The following FGF14 variants were observed in gnomAD, a reference collection of about 807,000 sequenced individuals.
FGF14 encodes fibroblast growth factor homologous factor 4.
In FGF14, 5 loss-of-function variants were observed where a neutral mutation model predicts 25.5. That is an observed-to-expected ratio of 0.20 (90% CI 0.10 to 0.41). The LOEUF (loss-of-function observed/expected upper bound fraction) is 0.41, where lower values mean the gene tolerates loss of function less well. Among genes scored for constraint, FGF14 ranks in the 10% least tolerant of loss-of-function variants. FGF14 has a pLI of 1.00. For synonymous variants in FGF14, 138 were observed against 118.3 expected (o/e 1.17, Z -1.08); for missense variants, 222 against 320.1 (o/e 0.69, Z 2.34).
chr13:101,822,154 T>A (rs987000639), intron 3 of FGF14, among the ~76,000 whole-genome samples: 1 of 152,188 alleles, frequency 6.6e-6, no homozygotes, highest in Admixed American at 6.5e-5. Flanking sequence ...GCATTTAAGT[T>A]CCTACTTCAA....
chr13:102,299,244 A>C (rs2054896426), intron 1 of FGF14, among the ~76,000 whole-genome samples: 1 of 152,124 alleles, frequency 6.6e-6, no homozygotes. Flanking sequence ...TTCTTAAAAA[A>C]TTAGGGTGGT....
In FGF14 at chr13:102,116,878, C is replaced by T. The variant is rs2045496539; in HGVS notation, c.209-241582G>A. ...GGAAAAGAAAAGCCCAGTTAAGCTC[C>T]TCTTAGGTCCACACGGCCCTACCTT... On this transcript the variant is annotated intron_variant, in intron 1 of 4. Coordinates refer to the FGF14 transcript ENST00000376131. Among the ~76,000 whole-genome samples the T allele has an allele frequency of 2.0e-5, 3 of 152,168 alleles. No homozygotes were observed. In the South Asian group the frequency reaches 6.2e-4, roughly 32 times the overall value.
At chr13:102,242,605 T>A (rs1040343590) in intron 1 of FGF14, among the ~76,000 whole-genome samples, 31 of 152,094 alleles carry the variant, frequency 2.0e-4, no homozygotes, top group African/African-American at 7.2e-4. Flanking sequence ...ATTGATCCAT[T>A]CCTGAGGCAT....
chr13:102,315,793 A>G (rs2055992105), intron 1 of FGF14, among the ~76,000 whole-genome samples: 1 of 152,192 alleles, frequency 6.6e-6, no homozygotes, highest in African/African-American at 2.4e-5. Flanking sequence ...CAAATACAGC[A>G]AGGCAGTGAG....
intron 1 of FGF14, among the ~76,000 whole-genome samples, chr13:101,923,350 A>T (rs930130418): frequency 1.3e-5 from 2 of 152,120 alleles, no homozygotes; most frequent in Non-Finnish European, 2.9e-5. Flanking sequence ...GTGGAATTAA[A>T]GATGATATAT....
intron 1 of FGF14, among the ~76,000 whole-genome samples, chr13:102,015,200 G>T (rs976606730): frequency 2.0e-5 from 3 of 152,160 alleles, no homozygotes; most frequent in Non-Finnish European, 2.9e-5. Flanking sequence ...GAGCCACCGT[G>T]CTCAGCCTGC....
chr13:102,329,799 C>A (rs774256880), intron 1 of FGF14, among the ~76,000 whole-genome samples: 5 of 152,100 alleles, frequency 3.3e-5, no homozygotes, highest in Admixed American at 6.6e-5. Context: ...CCATGTTGTA[C>A]AATCCATTCA....
intron 1 of FGF14, among the ~76,000 whole-genome samples, chr13:102,046,308 A>C (rs2041980457): frequency 6.6e-6 from 1 of 152,198 alleles, no homozygotes; most frequent in African/African-American, 2.4e-5. Flanking sequence ...CCTACAAATA[A>C]ACATTATTAA....
chr13:101,825,281 C>T (rs1454247374), intron 3 of FGF14, among the ~76,000 whole-genome samples: 3 of 152,058 alleles, frequency 2.0e-5, no homozygotes, highest in African/African-American at 7.2e-5. Flanking sequence ...ATAGGACTCC[C>T]GTTTGTATCC....
chr13:101,904,257 T>C lies in FGF14; in HGVS notation c.193+12196A>G, dbSNP rs540500040. On this transcript the variant is annotated intron_variant, in intron 1 of 4. Transcript: ENST00000376143. ...CCGACCACACCATGAAGAGTGGCAGTTTTTTGTGGACCTTTGGGCTCTAGT... is the reference window on the plus strand; with the variant it reads ...CCGACCACACCATGAAGAGTGGCAGCTTTTTGTGGACCTTTGGGCTCTAGT... 2.6e-5 allele frequency among the ~76,000 whole-genome samples: 4 copies of C among 152,292 alleles called. No individual in the cohort carries two copies. The South Asian group carries it at 8.3e-4, about 32-fold the overall frequency.
chr13:102,180,592 G>T (rs115541999), intron 1 of FGF14, among the ~76,000 whole-genome samples: 1 of 152,102 alleles, frequency 6.6e-6, no homozygotes, highest in African/African-American at 2.4e-5. Flanking sequence ...GATTACAGGC[G>T]TGAGCCACCT....
At chr13:102,051,913 C>T (rs2042229817) in intron 1 of FGF14, among the ~76,000 whole-genome samples, 4 of 151,912 alleles carry the variant, frequency 2.6e-5, no homozygotes, top group Admixed American at 6.6e-5. Flanking sequence ...GTAGCTGACA[C>T]AAAGAAATGG....
At chr13:102,343,626 G>A (rs1413941925) in intron 1 of FGF14, among the ~76,000 whole-genome samples, 2 of 152,204 alleles carry the variant, frequency 1.3e-5, no homozygotes, top group Non-Finnish European at 1.5e-5. Flanking sequence ...AGTCATATGC[G>A]AGACTGTTGG....
chr13:102,328,291 T>C (rs1486774018), intron 1 of FGF14, among the ~76,000 whole-genome samples: 1 of 152,230 alleles, frequency 6.6e-6, no homozygotes, highest in Non-Finnish European at 1.5e-5. Flanking sequence ...ATTAACTATG[T>C]ATAAACCTGT....
intron 1 of FGF14, among the ~76,000 whole-genome samples, chr13:101,949,626 C>A (rs896656889): frequency 3.3e-5 from 5 of 152,166 alleles, no homozygotes; most frequent in African/African-American, 1.2e-4. Context: ...AGGGCTCATG[C>A]ATATTCCCAA....
At chr13:102,228,551 T>C (rs970612983) in intron 1 of FGF14, among the ~76,000 whole-genome samples, 7 of 152,318 alleles carry the variant, frequency 4.6e-5, no homozygotes, top group Non-Finnish European at 1.0e-4. Context: ...TCATATTCAA[T>C]TATACTAACA....
chr13:102,059,805 C>T (rs1470870346), intron 1 of FGF14, among the ~76,000 whole-genome samples: 4 of 151,196 alleles, frequency 2.6e-5, no homozygotes, highest in African/African-American at 9.8e-5. Context: ...GAGCCGAGAT[C>T]GCACCATTGC....
At chr13:102,157,356 T>C (rs1240728943) in intron 1 of FGF14, among the ~76,000 whole-genome samples, 1 of 152,096 alleles carries the variant, frequency 6.6e-6, no homozygotes, top group African/African-American at 2.4e-5. Context: ...TAATGCCACA[T>C]ATTTACAACT....
chr13:102,286,992 G>A (rs1407625644), intron 1 of FGF14, among the ~76,000 whole-genome samples: 7 of 151,974 alleles, frequency 4.6e-5, no homozygotes, highest in African/African-American at 9.7e-5. Flanking sequence ...GGGAGGGGGA[G>A]GGGGAGGGAT....
Sources: allele counts gnomAD v4.1 joint callset (sites outside exome capture counted in the v4.1 genomes callset), GRCh38; gene constraint gnomAD v4.1.1; transcripts MANE v1.5; gene names NCBI Gene and HGNC (gene_info 2026-07-23, HGNC 2026-07-21).